Variants in CENPM observed in about 807,000 individuals in gnomAD.
CENPM encodes the protein interphase centromere complex protein 39.
In CENPM, 14 loss-of-function variants were observed where a neutral mutation model predicts 19.6. That is an observed-to-expected ratio of 0.71 (90% CI 0.47 to 1.11). The LOEUF (loss-of-function observed/expected upper bound fraction) is 1.11. Among genes scored for constraint, CENPM ranks in the 50% most tolerant of loss-of-function variants. CENPM has a pLI of 0.00. For synonymous variants in CENPM, 114 were observed against 101.5 expected, an observed-to-expected ratio of 1.12 and a Z score of -0.74; for missense variants, 239 against 228.4, an observed-to-expected ratio of 1.05 and a Z score of -0.30.
intron 5 of CENPM, among the ~76,000 whole-genome samples, chr22:41,943,216 C>T (rs565533675): frequency 8.5e-5 from 13 of 152,300 alleles, no homozygotes; most frequent in Middle Eastern, 6.8e-3. Flanking sequence ...GACGGACATA[C>T]GCTTGGCCTC....
At chr22:41,928,778 G>A in the CENPM span, among the ~76,000 whole-genome samples, 9 of 152,174 alleles carry the variant, frequency 5.9e-5, no homozygotes, top group African/African-American at 9.7e-5. The surrounding 1 kb of genome is among the most constrained non-coding windows in gnomAD (Gnocchi z 4.0). Context: ...GGGGTGTCTG[G>A]GTAGGAGGGA....
At chr22:41,946,897 T>G in intron 1 of CENPM, 123 bp downstream of exon 1, 3 of 976,662 alleles carry the variant, frequency 3.1e-6, no homozygotes, top group Non-Finnish European at 4.8e-6. Context: ...TCTCCGCCTA[T>G]TCCCCGCCCC....
At chr22:41,930,821 A>C in the CENPM span, among the ~76,000 whole-genome samples, 1 of 139,968 alleles carries the variant, frequency 7.1e-6, no homozygotes, top group Non-Finnish European at 1.5e-5. Flanking sequence ...CTCCTGGCCT[A>C]ATTTCTTTAT....
chr22:41,935,347 G>A (rs887807552), downstream of CENPM, among the ~76,000 whole-genome samples: 1 of 152,100 alleles, frequency 6.6e-6, no homozygotes, highest in East Asian at 1.9e-4. Flanking sequence ...TCCCAGATCA[G>A]GCAGGCTGCA....
At chr22:41,944,423 G>A (rs1007057094) in intron 4 of CENPM, among the ~76,000 whole-genome samples, 6 of 136,888 alleles carry the variant, frequency 4.4e-5, no homozygotes, top group East Asian at 2.1e-4. Flanking sequence ...GCGGCTGAGC[G>A]AGACTCCGTC....
intron 5 of CENPM, chr22:41,940,353 C>G (rs2077728504): frequency 3.5e-6 from 2 of 563,808 alleles, no homozygotes; most frequent in South Asian, 4.4e-5. Flanking sequence ...GTCATTTACC[C>G]CATTTGTTTC....
intron 1 of CENPM, 163 bp downstream of exon 1, chr22:41,946,857 G>A (rs563567719): frequency 1.5e-5 from 10 of 667,180 alleles, no homozygotes; most frequent in Admixed American, 5.5e-5. Flanking sequence ...ACCTCAGAGA[G>A]CGGCTACTCC....
Position 41,938,832 on chromosome 22 carries a change from A to G in CENPM, c.*224T>C. 1 of 518,636 alleles carries G rather than the reference A, an allele frequency of 1.9e-6. No homozygotes were observed. Among genetic ancestry groups the G allele is most frequent in the Non-Finnish European group, 3.4e-6 (1 of 292,606 alleles). The allele number at this position is 518,636 out of a possible 1,614,324, so 32.1% of individuals were successfully genotyped here. ...AGCTGCTTAAAGACACAGGCTCTGC[A>G]AGAGTGAGTGTGGGAGTGGGAGGGG... On this transcript the variant is annotated 3_prime_UTR_variant, in exon 6 of 6. Transcript: ENST00000215980.
Position 41,938,996 on chromosome 22 carries a change from A to G in CENPM, c.*60T>C, listed in dbSNP as rs533074775. On this transcript the variant is annotated 3_prime_UTR_variant, in exon 6 of 6. Transcript: ENST00000215980. ...AGCCCTGACTGGACATCCTCAACAG[A>G]GAATGTTTATGGAGTCAGCACGAAG... The G allele has an allele frequency of 5.1e-5, 81 of 1,590,272 alleles. 1 individual carries two copies. The South Asian group carries it at 6.7e-4, about 13-fold the overall frequency.
At chr22:41,931,314 T>TA in the CENPM span, among the ~76,000 whole-genome samples, 118 of 140,452 alleles carry the variant, frequency 8.4e-4, no homozygotes, top group Middle Eastern at 3.6e-3. Flanking sequence ...ATAAGAAATT[T>TA]AAAAAAAAAA....
intron 5 of CENPM, among the ~76,000 whole-genome samples, chr22:41,942,587 A>G: frequency 6.6e-6 from 1 of 151,886 alleles, no homozygotes; most frequent in South Asian, 2.1e-4. Context: ...CGTCTCTACT[A>G]AAAAATACAA....
intron 5 of CENPM, among the ~76,000 whole-genome samples, chr22:41,943,217 G>A (rs1009381486): frequency 4.6e-5 from 7 of 152,178 alleles, no homozygotes; most frequent in African/African-American, 1.7e-4. Context: ...ACGGACATAC[G>A]CTTGGCCTCA....
At chr22:41,946,289 T>A in intron 2 of CENPM, 128 bp downstream of exon 2, 1 of 817,630 alleles carries the variant, frequency 1.2e-6, no homozygotes, top group Non-Finnish European at 2.0e-6. Context: ...ACTAGCCAGC[T>A]ACGCTGCATG....
At chr22:41,943,249 G>C (rs2077759025) in intron 5 of CENPM, among the ~76,000 whole-genome samples, 1 of 152,178 alleles carries the variant, frequency 6.6e-6, no homozygotes, top group Non-Finnish European at 1.5e-5. Flanking sequence ...ACCCCAGCAG[G>C]AGAGTGGACT....
downstream of CENPM, among the ~76,000 whole-genome samples, chr22:41,937,685 TCA>T (rs2077689590): frequency 6.6e-6 from 1 of 152,200 alleles, no homozygotes; most frequent in South Asian, 2.1e-4. Context: ...GTCCATCGTC[TCA>T]TTCAATCCTC....
intron 2 of CENPM, 111 bp from the exon 3 acceptor site, chr22:41,946,116 C>A (rs1199476713): frequency 1.1e-6 from 1 of 950,228 alleles, no homozygotes; most frequent in Non-Finnish European, 1.6e-6. Context: ...CCACCTCATC[C>A]TAGCCACCCG....
chr22:41,943,852 G>A (rs865791040), intron 4 of CENPM, 151 bp from the exon 5 acceptor site: 4 of 676,724 alleles, frequency 5.9e-6, no homozygotes, highest in Middle Eastern at 3.6e-4. Flanking sequence ...TTCTTTTCTA[G>A]GTAGTCAAGA....
downstream of CENPM, among the ~76,000 whole-genome samples, chr22:41,938,002 C>T (rs1384157736): frequency 6.6e-6 from 1 of 152,074 alleles, no homozygotes; most frequent in Admixed American, 6.5e-5. Context: ...CGCCACCATG[C>T]CTGGCTAATT....
At chr22:41,946,332 G>A in intron 2 of CENPM, 85 bp downstream of exon 2, 3 of 1,161,246 alleles carry the variant, frequency 2.6e-6, no homozygotes, top group Admixed American at 2.0e-5. Flanking sequence ...AGGAGGGGGC[G>A]CTGGGCTTCG....
Sources: allele counts gnomAD v4.1 joint callset (sites outside exome capture counted in the v4.1 genomes callset), GRCh38; gene constraint gnomAD v4.1.1; non-coding constraint Gnocchi (gnomAD v3.1); transcripts MANE v1.5; gene names NCBI Gene and HGNC (gene_info 2026-07-23, HGNC 2026-07-21).